IER3IP1: variants seen among roughly 807,000 people sequenced by gnomAD.
IER3IP1 encodes the protein immediate early response 3-interacting protein 1.
A neutral mutation model predicts 12.2 loss-of-function variants in IER3IP1; 16 were observed. The observed-to-expected ratio is 1.31, with a 90% CI of 0.89 to 1.99. The LOEUF is 1.99. IER3IP1 is among the 30% of genes most tolerant of loss of function. The probability of loss-of-function intolerance (pLI) is 0.00; values close to 1 mark genes in which losing one functional copy is unlikely to be tolerated. For synonymous variants in IER3IP1, 42 were observed against 40.0 expected, an observed-to-expected ratio of 1.05 and a Z score of -0.19; for missense variants, 95 against 95.8, an observed-to-expected ratio of 0.99 and a Z score of 0.03.
At chr18:47,163,411 C>T (rs2063986000) in intron 1 of IER3IP1, among the ~76,000 whole-genome samples, 1 of 152,146 alleles carries the variant, frequency 6.6e-6, no homozygotes, top group Non-Finnish European at 1.5e-5. Context: ...TAGGACGGTG[C>T]AAGACTTCAT....
intron 1 of IER3IP1, among the ~76,000 whole-genome samples, chr18:47,164,953 A>G (rs16949157): frequency 0.052 from 7,984 of 152,234 alleles, 256 homozygotes; most frequent in East Asian, 0.091. Flanking sequence ...CACCAAACAC[A>G]TTCTTCTGCT....
rs982820228 is a variant in IER3IP1, at chr18:47,154,154, A to C, written c.*2023T>G. The C allele has an allele frequency of 1.3e-5, 2 of 152,248 alleles. No individual in the cohort carries two copies. Among genetic ancestry groups the C allele is most frequent in the Non-Finnish European group, 2.9e-5 (2 of 68,082 alleles). 9.4% of individuals were successfully genotyped at this position (152,248 alleles called of 1,614,324 possible). A position where few individuals can be genotyped will look rare whatever the true frequency, so the allele number is the denominator to read the frequency against. ...ATCATCACAAATTGTTAATCCTGGT[A>C]ATAGATAAAGGGGAGGACATGGGCA... is the stretch of plus-strand genomic sequence containing the variant. On this transcript the variant is annotated 3_prime_UTR_variant, in exon 3 of 3. Transcript: ENST00000256433.
At chr18:47,169,032 AC>A (rs2064006428) in intron 1 of IER3IP1, among the ~76,000 whole-genome samples, 1 of 152,178 alleles carries the variant, frequency 6.6e-6, no homozygotes, top group South Asian at 2.1e-4. Flanking sequence ...GAGTATTTTT[AC>A]CACCCCAAAA....
At chr18:47,176,082 G>T in intron 1 of IER3IP1, 105 bp downstream of exon 1, 1 of 937,908 alleles carries the variant, frequency 1.1e-6, no homozygotes, top group Non-Finnish European at 1.7e-6. Flanking sequence ...GCCTTCCGCT[G>T]TTCTTCTGTC....
At chr18:47,159,682 G>T (rs2063973371) in intron 1 of IER3IP1, among the ~76,000 whole-genome samples, 1 of 152,140 alleles carries the variant, frequency 6.6e-6, no homozygotes, top group Non-Finnish European at 1.5e-5. Flanking sequence ...GAGAGATTAT[G>T]GGCAATTGCA....
intron 1 of IER3IP1, among the ~76,000 whole-genome samples, chr18:47,158,903 C>CAGTG: frequency 6.6e-6 from 1 of 152,134 alleles, no homozygotes; most frequent in East Asian, 2.0e-4. Flanking sequence ...GTTAAGGCTG[C>CAGTG]AGTGAGCCAT....
chr18:47,170,693 T>C (rs1392722143), intron 1 of IER3IP1, among the ~76,000 whole-genome samples: 1 of 152,110 alleles, frequency 6.6e-6, no homozygotes, highest in Non-Finnish European at 1.5e-5. Flanking sequence ...CAATTGTTCA[T>C]TGTGCACAGA....
chr18:47,169,933 T>C (rs1438656041), intron 1 of IER3IP1, among the ~76,000 whole-genome samples: 1 of 152,174 alleles, frequency 6.6e-6, no homozygotes, highest in Non-Finnish European at 1.5e-5. Flanking sequence ...AAAATTTTGA[T>C]GAAATCCAAT....
At chr18:47,166,687 C>G (rs1359929944) in intron 1 of IER3IP1, among the ~76,000 whole-genome samples, 1 of 152,112 alleles carries the variant, frequency 6.6e-6, no homozygotes, top group Non-Finnish European at 1.5e-5. Context: ...AGAAGCGAAA[C>G]TGGAGGCAGG....
chr18:47,170,033 T>C (rs1433958470), intron 1 of IER3IP1, among the ~76,000 whole-genome samples: 1 of 152,172 alleles, frequency 6.6e-6, no homozygotes, highest in Non-Finnish European at 1.5e-5. Flanking sequence ...TTTGTCTGTA[T>C]GTTCTTCTAA....
intron 1 of IER3IP1, among the ~76,000 whole-genome samples, chr18:47,159,064 C>T (rs2063971100): frequency 6.6e-6 from 1 of 152,082 alleles, no homozygotes; most frequent in Non-Finnish European, 1.5e-5. Flanking sequence ...GCAATGACAG[C>T]ATATATATAT....
At chr18:47,171,971 G>A (rs1255866858) in intron 1 of IER3IP1, among the ~76,000 whole-genome samples, 3 of 151,966 alleles carry the variant, frequency 2.0e-5, no homozygotes, top group Non-Finnish European at 4.4e-5. Flanking sequence ...TAGTAGAGAC[G>A]GGGTTTCTCC....
In IER3IP1 at chr18:47,176,331, G is replaced by A. The variant is rs377075827; in HGVS notation, c.-54C>T. 1,753 of 1,491,882 alleles carry A rather than the reference G, an allele frequency of 1.2e-3. 2 individuals carry two copies. Among genetic ancestry groups the A allele is most frequent in the Non-Finnish European group, 1.5e-3 (1,646 of 1,091,676 alleles). 92.4% of individuals were successfully genotyped at this position (1,491,882 alleles called of 1,614,324 possible). A position where few individuals can be genotyped will look rare whatever the true frequency, so the allele number is the denominator to read the frequency against. ...GCGATTTCTCTCCCGCCGCCGCAAGGGACGTGGCGCCTCCACGGCCGGCGC... is the reference window on the plus strand; with the variant it reads ...GCGATTTCTCTCCCGCCGCCGCAAGAGACGTGGCGCCTCCACGGCCGGCGC... On this transcript the variant is annotated 5_prime_UTR_variant, in exon 1 of 3. Transcript: ENST00000256433.
In IER3IP1 at chr18:47,176,348, G is replaced by C. The variant is rs983206285; in HGVS notation, c.-71C>G. ...GCCGCAAGGGACGTGGCGCCTCCAC[G>C]GCCGGCGCCTTCCTACGGAAGCCGA... On this transcript the variant is annotated 5_prime_UTR_variant, in exon 1 of 3. Coordinates refer to ENST00000256433, the MANE Select transcript of IER3IP1 (RefSeq NM_016097.5). The C allele has an allele frequency of 1.1e-5, 14 of 1,329,800 alleles. No homozygotes were observed. Among genetic ancestry groups the C allele is most frequent in the Non-Finnish European group, 1.5e-5 (14 of 951,268 alleles). The allele number at this position is 1,329,800 out of a possible 1,614,324, so 82.4% of individuals were successfully genotyped here.
rs569020237 is a variant in IER3IP1 at position 47,172,728 on chromosome 18, C to A, written c.91+3459G>T. 6.6e-6 allele frequency among the ~76,000 whole-genome samples: 1 copy of A among 152,310 alleles called. No individual in the cohort carries two copies. The highest frequency in any genetic ancestry group is 2.1e-4 in the South Asian group (1 of 4,824). On this transcript the variant is annotated intron_variant, in intron 1 of 2. Coordinates refer to ENST00000256433, the MANE Select transcript of IER3IP1 (RefSeq NM_016097.5). The surrounding 1 kb of genome is among the most constrained non-coding windows in gnomAD (Gnocchi z 4.0). Reference sequence around the variant, plus strand: ...TTTTCCAATTAGTACTTTCAGATGGCAGGCTACAACTGAAAAGTGTGGAAA... The same window carrying A: ...TTTTCCAATTAGTACTTTCAGATGGAAGGCTACAACTGAAAAGTGTGGAAA...
chr18:47,154,762 A>G lies in IER3IP1; in HGVS notation c.*1415T>C, dbSNP rs2063952388. 1 of 152,140 alleles carries G rather than the reference A, an allele frequency of 6.6e-6. No individual in the cohort carries two copies. Among genetic ancestry groups the G allele is most frequent in the Admixed American group, 6.5e-5 (1 of 15,282 alleles). 9.4% of individuals were successfully genotyped at this position (152,140 alleles called of 1,614,324 possible). A position where few individuals can be genotyped will look rare whatever the true frequency, so the allele number is the denominator to read the frequency against. The stretch of plus-strand genomic sequence containing the variant: ...CAAGCCTATAGTCCAAAGATCACTG[A>G]TCTCTAACTTAGGAAAGGCCAAAAG... On this transcript the variant is annotated 3_prime_UTR_variant, in exon 3 of 3. Coordinates refer to ENST00000256433, the MANE Select transcript of IER3IP1 (RefSeq NM_016097.5).
intron 1 of IER3IP1, among the ~76,000 whole-genome samples, chr18:47,159,356 AG>A (rs1333179775): frequency 2.0e-5 from 3 of 152,228 alleles, no homozygotes; most frequent in Non-Finnish European, 4.4e-5. Context: ...TAATGCAGAC[AG>A]ATATAAAGAA....
At position 47,176,332 on chromosome 18, in the gene IER3IP1, G is replaced by T. The variant is rs1011849333; in HGVS notation, c.-55C>A. On this transcript the variant is annotated 5_prime_UTR_variant, in exon 1 of 3. Transcript: ENST00000256433. ...CGATTTCTCTCCCGCCGCCGCAAGG[G>T]ACGTGGCGCCTCCACGGCCGGCGCC... is the stretch of plus-strand genomic sequence containing the variant. 6 of 1,490,822 alleles carry T rather than the reference G, an allele frequency of 4.0e-6. No individual in the cohort carries two copies. The highest frequency in any genetic ancestry group is 1.8e-4 in the Middle Eastern group (1 of 5,530). 92.3% of individuals were successfully genotyped at this position (1,490,822 alleles called of 1,614,324 possible). A position where few individuals can be genotyped will look rare whatever the true frequency, so the allele number is the denominator to read the frequency against.
In IER3IP1 at chr18:47,153,282, T is replaced by C. The variant is rs1467316453; in HGVS notation, c.*2895A>G. 6.6e-6 allele frequency: 1 copy of C among 152,290 alleles called. No individual in the cohort carries two copies. Among genetic ancestry groups the C allele is most frequent in the Non-Finnish European group, 1.5e-5 (1 of 68,102 alleles). The allele number at this position is 152,290 out of a possible 1,614,324, so 9.4% of individuals were successfully genotyped here. On this transcript the variant is annotated 3_prime_UTR_variant, in exon 3 of 3. Coordinates refer to ENST00000256433, the MANE Select transcript of IER3IP1 (RefSeq NM_016097.5). Reference sequence around the variant, plus strand: ...TTTCTGGTTACATGGATGAATTGTATAGTGGTGTAAAGTCTGAAATTTTAG... The same window carrying C: ...TTTCTGGTTACATGGATGAATTGTACAGTGGTGTAAAGTCTGAAATTTTAG...
Sources: allele counts gnomAD v4.1 joint callset (sites outside exome capture counted in the v4.1 genomes callset), GRCh38; gene constraint gnomAD v4.1.1; non-coding constraint Gnocchi (gnomAD v3.1); transcripts MANE v1.5; gene names NCBI Gene and HGNC (gene_info 2026-07-23, HGNC 2026-07-21).